DMRTA1: variants seen among roughly 807,000 people sequenced by gnomAD.
DMRTA1 encodes the protein doublesex- and mab-3-related transcription factor A1.
A neutral mutation model predicts 35.2 loss-of-function variants in DMRTA1; 34 were observed. The ratio of observed to expected loss-of-function variants is 0.97; its 90% CI spans 0.74 to 1.29. The LOEUF is 1.29. Ranked by LOEUF, DMRTA1 falls within the 50% of genes most tolerant of loss-of-function variation. DMRTA1 has a pLI of 0.00. For synonymous variants in DMRTA1, 344 were observed against 276.6 expected, an observed-to-expected ratio of 1.24 and a Z score of -2.42; for missense variants, 824 against 644.6, an observed-to-expected ratio of 1.28 and a Z score of -3.01.
chr9:22,451,185 C>A lies in DMRTA1; in HGVS notation c.789C>A (p.Ile263=). 1 of 1,614,080 alleles carries A rather than the reference C, an allele frequency of 6.2e-7. No individual in the cohort carries two copies. The highest frequency in any genetic ancestry group is 8.5e-7 in the Non-Finnish European group (1 of 1,179,970). The part of the protein sequence containing the change: ...RSNGVIGKQS[I]GSSISEYSNK... ...ATGGTGTCATTGGGAAACAAAGTAT[C>A]GGGTCATCTATTTCAGAATACTCCA... The change falls in exon 2 of 2, where the codon ATC becomes ATA. Residue 263 remains isoleucine, a synonymous_variant. Transcript: ENST00000325870.
chr9:22,448,894 A>G (rs189723160), intron 1 of DMRTA1, among the ~76,000 whole-genome samples: 16 of 152,324 alleles, frequency 1.1e-4, no homozygotes, highest in African/African-American at 3.8e-4. Flanking sequence ...CAGACTTTCT[A>G]CAATTCCCAT....
intron 1 of DMRTA1, among the ~76,000 whole-genome samples, chr9:22,448,619 T>C (rs1818874735): frequency 6.6e-6 from 1 of 151,762 alleles, no homozygotes; most frequent in African/African-American, 2.4e-5. Flanking sequence ...TTTGTATAAG[T>C]CAAAAACTTA....
In DMRTA1 at chr9:22,452,092, A is replaced by G. The variant is rs990346875; in HGVS notation, c.*181A>G. 8.4e-6 allele frequency: 5 copies of G among 594,368 alleles called. No individual in the cohort carries two copies. The highest frequency in any genetic ancestry group is 3.5e-5 in the South Asian group (1 of 28,424). 36.8% of individuals were successfully genotyped at this position (594,368 alleles called of 1,614,324 possible). A position where few individuals can be genotyped will look rare whatever the true frequency, so the allele number is the denominator to read the frequency against. On this transcript the variant is annotated 3_prime_UTR_variant, in exon 2 of 2. Coordinates refer to ENST00000325870, the MANE Select transcript of DMRTA1 (RefSeq NM_022160.3). ...TAGGTCTTAGATCTGAAAACTCTTC[A>G]TTAGGATTTATCAAGTGAAAGAAGT...
intron 1 of DMRTA1, among the ~76,000 whole-genome samples, chr9:22,448,430 T>C (rs1348326599): frequency 6.6e-6 from 1 of 152,202 alleles, no homozygotes; most frequent in East Asian, 1.9e-4. Context: ...AAACCATAGG[T>C]AAGAATTTCA....
chr9:22,452,142 G>C lies in DMRTA1; in HGVS notation c.*231G>C. 1 of 336,906 alleles carries C rather than the reference G, an allele frequency of 3.0e-6. No homozygotes were observed. The highest frequency in any genetic ancestry group is 5.3e-6 in the Non-Finnish European group (1 of 188,002). The allele number at this position is 336,906 out of a possible 1,614,324, so 20.9% of individuals were successfully genotyped here. A position where few individuals can be genotyped will look rare whatever the true frequency, so the allele number is the denominator to read the frequency against. On this transcript the variant is annotated 3_prime_UTR_variant, in exon 2 of 2. Transcript: ENST00000325870. The stretch of plus-strand genomic sequence containing the variant: ...TAAATCTGAACATTATATGTGCCTT[G>C]AATAAAGCTATTTCAGGAAATATTT...
At chr9:22,450,958 A>T in intron 1 of DMRTA1, 106 bp from the exon 2 acceptor site, 1 of 1,137,330 alleles carries the variant, frequency 8.8e-7, no homozygotes, top group Non-Finnish European at 1.2e-6. Context: ...ATTACTAATT[A>T]ATAGGAGTGA....
chr9:22,448,879 C>CA, intron 1 of DMRTA1, among the ~76,000 whole-genome samples: 1 of 152,182 alleles, frequency 6.6e-6, no homozygotes, highest in East Asian at 1.9e-4. Context: ...TTTGAGTAGG[C>CA]AAAACAGACT....
chr9:22,448,702 C>A (rs560163363), intron 1 of DMRTA1, among the ~76,000 whole-genome samples: 1 of 152,196 alleles, frequency 6.6e-6, no homozygotes, highest in African/African-American at 2.4e-5. Flanking sequence ...TAGAAACCTT[C>A]CTTGAATTAT....
intron 1 of DMRTA1, among the ~76,000 whole-genome samples, chr9:22,450,162 A>T (rs1004736352): frequency 3.9e-5 from 6 of 152,126 alleles, no homozygotes; most frequent in Admixed American, 3.3e-4. Context: ...AAAAACCAGA[A>T]CTTTGTGTAA....
chr9:22,447,305 G>C lies in DMRTA1; in HGVS notation c.240G>C (p.Leu80=). 6.6e-7 allele frequency: 1 copy of C among 1,520,340 alleles called. No homozygotes were observed. Among genetic ancestry groups the C allele is most frequent in the Non-Finnish European group, 8.8e-7 (1 of 1,138,914 alleles). The allele number at this position is 1,520,340 out of a possible 1,614,324, so 94.2% of individuals were successfully genotyped here. ...GAGGCTGCCCGCCGGCTCCCGGGCT[G>C]GAGAGCGGGGTAGGCGCGGTGGGCT... ...GSGGCPPAPG[L]ESGVGAVGCG... The change falls in exon 1 of 2, where the codon CTG becomes CTC. Residue 80 remains leucine (L), a synonymous_variant. Transcript: ENST00000325870.
At position 22,447,358 on chromosome 9, in the gene DMRTA1, C is replaced by G. The variant is rs1372127108; in HGVS notation, c.293C>G (p.Ala98Gly). 1 of 1,536,720 alleles carries G rather than the reference C, an allele frequency of 6.5e-7. No individual in the cohort carries two copies. The highest frequency in any genetic ancestry group is 1.2e-5 in the South Asian group (1 of 83,046). Residue 98 changes from alanine to glycine, a missense_variant, in exon 1 of 2, where the codon GCC becomes GGC. Ala to Gly is a moderately conservative substitution (Grantham distance 60). Transcript: ENST00000325870. ...GCGYPRTPKC[A>G]RCRNHGVVSA... is the part of the protein sequence containing the mutation. The stretch of plus-strand genomic sequence containing the variant: ...GGCTACCCGCGGACGCCCAAGTGCG[C>G]CCGCTGTCGTAACCATGGTGTGGTG...
chr9:22,449,658 A>C (rs1818894457), intron 1 of DMRTA1, among the ~76,000 whole-genome samples: 1 of 152,158 alleles, frequency 6.6e-6, no homozygotes. Flanking sequence ...ATTTCATTAG[A>C]AAAGTATTAT....
At chr9:22,447,870 C>A in intron 1 of DMRTA1, 138 bp downstream of exon 1, 1 of 976,052 alleles carries the variant, frequency 1.0e-6, no homozygotes, top group Non-Finnish European at 1.5e-6. Flanking sequence ...AACTGCTCAG[C>A]AATATGGACA....
Position 22,447,741 on chromosome 9 carries a change from G to A in DMRTA1, c.667+9G>A. 6.2e-7 allele frequency: 1 copy of A among 1,613,214 alleles called. No individual in the cohort carries two copies. The highest frequency in any genetic ancestry group is 8.5e-7 in the Non-Finnish European group (1 of 1,179,944). ...TCCTGAGGAAAAACAAGGTGAGTTG[G>A]TCTTTGATTTACTCTTTGCTCAAGG... is the stretch of plus-strand genomic sequence containing the variant. On this transcript the variant is annotated intron_variant, in intron 1 of 1. Transcript: ENST00000325870.
rs1818940668 is a variant in DMRTA1 at position 22,452,050 on chromosome 9, T to C, written c.*139T>C. On this transcript the variant is annotated 3_prime_UTR_variant, in exon 2 of 2. Coordinates refer to ENST00000325870, the MANE Select transcript of DMRTA1 (RefSeq NM_022160.3). ...AGGTCTTAAAATGCTGGGTTTTTTT[T>C]TTTTCAAGCAATATAATAGGTCTTA... The C allele has an allele frequency of 9.0e-7, 1 of 1,110,736 alleles. No homozygotes were observed. Among genetic ancestry groups the C allele is most frequent in the East Asian group, 2.5e-5 (1 of 39,608 alleles). 68.8% of individuals were successfully genotyped at this position (1,110,736 alleles called of 1,614,324 possible). A position where few individuals can be genotyped will look rare whatever the true frequency, so the allele number is the denominator to read the frequency against.
At position 22,447,350 on chromosome 9, in the gene DMRTA1, C is replaced by A; in HGVS notation, c.285C>A (p.Pro95=). 6.5e-7 allele frequency: 1 copy of A among 1,534,536 alleles called. No individual in the cohort carries two copies. The highest frequency in any genetic ancestry group is 2.7e-5 in the East Asian group (1 of 37,580). ...TGGGCTGCGGCTACCCGCGGACGCC[C>A]AAGTGCGCCCGCTGTCGTAACCATG... The part of the protein sequence containing the change: ...GAVGCGYPRT[P]KCARCRNHGV... Residue 95 remains proline (P), a synonymous_variant, in exon 1 of 2, where the codon CCC becomes CCA. Transcript: ENST00000325870.
chr9:22,449,576 G>A (rs567954599), intron 1 of DMRTA1, among the ~76,000 whole-genome samples: 28 of 152,076 alleles, frequency 1.8e-4, no homozygotes, highest in African/African-American at 2.9e-4. Context: ...TGACATGTTC[G>A]GGGGCATGCT....
rs1818838551 is a variant in DMRTA1, at chr9:22,447,005, C to A, written c.-61C>A. On this transcript the variant is annotated 5_prime_UTR_variant, in exon 1 of 2. Coordinates refer to ENST00000325870, the MANE Select transcript of DMRTA1 (RefSeq NM_022160.3). ...TGCCCCGGCTTCCCCAGCCTCCCAG[C>A]AGGGTTAGCTGCGGTCAGCGCACTT... The A allele has an allele frequency of 6.4e-7, 1 of 1,558,774 alleles. No individual in the cohort carries two copies. Among genetic ancestry groups the A allele is most frequent in the Non-Finnish European group, 8.7e-7 (1 of 1,152,132 alleles).
chr9:22,451,271 C>T lies in DMRTA1; in HGVS notation c.875C>T (p.Pro292Leu). Residue 292 changes from proline (P) to leucine (L), a missense_variant, in exon 2 of 2, where the codon CCC (proline) becomes CTC (leucine). Transcript: ENST00000325870. ...PGEQSGGEES[P>L]RSLSSSDLES... ...GAGCAATCAGGAGGTGAAGAGAGTC[C>T]CAGGTCCTTATCATCCTCTGATCTG... is the stretch of plus-strand genomic sequence containing the variant. 1 of 1,614,006 alleles carries T rather than the reference C, an allele frequency of 6.2e-7. No individual in the cohort carries two copies. Among genetic ancestry groups the T allele is most frequent in the Non-Finnish European group, 8.5e-7 (1 of 1,179,950 alleles).
Sources: gnomAD v4.1 joint callset for allele counts (sites outside exome capture counted in the v4.1 genomes callset) on GRCh38, gnomAD v4.1.1 for gene constraint, MANE v1.5 for transcripts, NCBI Gene and HGNC (gene_info 2026-07-23, HGNC 2026-07-21) for gene names.